MGAT4C: variants seen among roughly 807,000 people sequenced by gnomAD.
The protein encoded by MGAT4C is MGAT4 family member C.
In MGAT4C, 19 loss-of-function variants were observed where a neutral mutation model predicts 40.1. The observed-to-expected ratio is 0.47, with a 90% CI of 0.33 to 0.70. The LOEUF is 0.70. Ranked by LOEUF, MGAT4C falls within the 30% of genes least tolerant of loss-of-function variation. MGAT4C has a pLI of 0.02. For synonymous variants in MGAT4C, 181 were observed against 187.1 expected, an observed-to-expected ratio of 0.97 and a Z score of 0.27; for missense variants, 491 against 563.2, an observed-to-expected ratio of 0.87 and a Z score of 1.30.
At chr12:86,158,158 G>A (rs1885181133) in intron 1 of MGAT4C, among the ~76,000 whole-genome samples, 2 of 151,980 alleles carry the variant, frequency 1.3e-5, no homozygotes, top group South Asian at 4.1e-4. Context: ...TTTGAGGGCA[G>A]GCAAGGATCA....
At chr12:86,083,815 A>G (rs114956496) in intron 1 of MGAT4C, among the ~76,000 whole-genome samples, 1 of 152,106 alleles carries the variant, frequency 6.6e-6, no homozygotes, top group African/African-American at 2.4e-5. Flanking sequence ...TATGAGCAAT[A>G]TGAATCTCTA....
chr12:86,818,658 A>C (rs1217910791), intron 1 of MGAT4C, among the ~76,000 whole-genome samples: 1 of 151,150 alleles, frequency 6.6e-6, no homozygotes, highest in Non-Finnish European at 1.5e-5. Context: ...AAAAAAATAA[A>C]CTCAAATAAA....
chr12:86,135,249 G>A (rs2135721723), intron 1 of MGAT4C, among the ~76,000 whole-genome samples: 1 of 152,180 alleles, frequency 6.6e-6, no homozygotes, highest in Non-Finnish European at 1.5e-5. Context: ...AGTAGCTTTT[G>A]AAATCCTAGG....
chr12:85,982,190 GT>G (rs1047593553), intron 4 of MGAT4C, among the ~76,000 whole-genome samples: 2 of 151,830 alleles, frequency 1.3e-5, no homozygotes, highest in Admixed American at 1.3e-4. Context: ...TTTTGTTTTT[GT>G]TTTTTTGAAA....
At chr12:86,542,591 C>T (rs571316019) in intron 2 of MGAT4C, among the ~76,000 whole-genome samples, 1 of 152,164 alleles carries the variant, frequency 6.6e-6, no homozygotes, top group Admixed American at 6.5e-5. Context: ...CTCATAGTAC[C>T]TTGAGAGTAG....
At chr12:86,196,451 C>T (rs1949808910) in intron 1 of MGAT4C, among the ~76,000 whole-genome samples, 1 of 152,214 alleles carries the variant, frequency 6.6e-6, no homozygotes, top group African/African-American at 2.4e-5. Flanking sequence ...CCTGCTGAAA[C>T]CCAGGAGGTG....
At chr12:86,361,381 C>T (rs1290876777) in intron 3 of MGAT4C, among the ~76,000 whole-genome samples, 5 of 151,982 alleles carry the variant, frequency 3.3e-5, no homozygotes, top group African/African-American at 1.2e-4. Context: ...ACCATAAAAA[C>T]TCTAGAAGAA....
chr12:86,420,357 G>T (rs1475115611), intron 3 of MGAT4C, among the ~76,000 whole-genome samples: 16 of 151,818 alleles, frequency 1.1e-4, no homozygotes, highest in Non-Finnish European at 2.1e-4. Flanking sequence ...ACTGCAGTCT[G>T]GACTACAAAG....
chr12:86,360,873 G>C (rs1263926414), intron 3 of MGAT4C, among the ~76,000 whole-genome samples: 1 of 152,178 alleles, frequency 6.6e-6, no homozygotes, highest in Non-Finnish European at 1.5e-5. Context: ...CATGCTCATG[G>C]ATAGGAAGAA....
At chr12:86,739,302 T>A (rs953197017) in intron 1 of MGAT4C, among the ~76,000 whole-genome samples, 1 of 126,452 alleles carries the variant, frequency 7.9e-6, no homozygotes, top group East Asian at 2.4e-4. Context: ...TACAAGTCTA[T>A]ATTTTATTCA....
At chr12:86,221,320 G>T (rs972033905) in intron 1 of MGAT4C, among the ~76,000 whole-genome samples, 1 of 151,958 alleles carries the variant, frequency 6.6e-6, no homozygotes, top group Non-Finnish European at 1.5e-5. Flanking sequence ...CTTGTATGTG[G>T]CTACCTCTTG....
intron 2 of MGAT4C, among the ~76,000 whole-genome samples, chr12:86,519,444 T>C (rs1008595904): frequency 6.6e-6 from 1 of 152,140 alleles, no homozygotes; most frequent in Non-Finnish European, 1.5e-5. Context: ...CTGGATCATG[T>C]GGCAGTTCTA....
chr12:86,392,713 G>A lies in MGAT4C; in HGVS notation c.-120+42444C>T, dbSNP rs746004949. 3.9e-5 allele frequency among the ~76,000 whole-genome samples: 6 copies of A among 152,246 alleles called. No homozygotes were observed. The South Asian group carries it at 8.3e-4, about 21-fold the overall frequency. ...GAAATCAAATTCTTCACAATCTGACGTATGCATTGCATATTCAATAAATAT... is the reference window on the plus strand; with the variant it reads ...GAAATCAAATTCTTCACAATCTGACATATGCATTGCATATTCAATAAATAT... On this transcript the variant is annotated intron_variant, in intron 3 of 7. Coordinates refer to the MGAT4C transcript ENST00000548651.
intron 2 of MGAT4C, among the ~76,000 whole-genome samples, chr12:86,709,396 C>G (rs1433087474): frequency 6.6e-6 from 1 of 151,924 alleles, no homozygotes; most frequent in Non-Finnish European, 1.5e-5. Flanking sequence ...TAATACAAAT[C>G]TTTATTATTT....
At chr12:86,589,723 A>C (rs953366284) in intron 2 of MGAT4C, among the ~76,000 whole-genome samples, 1 of 152,058 alleles carries the variant, frequency 6.6e-6, no homozygotes, top group Non-Finnish European at 1.5e-5. Flanking sequence ...AGTGGGCTTC[A>C]TCCCTGGGAT....
intron 1 of MGAT4C, among the ~76,000 whole-genome samples, chr12:86,824,561 A>C (rs1952766778): frequency 6.6e-6 from 1 of 151,268 alleles, no homozygotes; most frequent in Non-Finnish European, 1.5e-5. Context: ...TTCCCTGCAG[A>C]TGAGATGGAA....
intron 3 of MGAT4C, among the ~76,000 whole-genome samples, chr12:86,387,929 A>G (rs914985289): frequency 3.3e-5 from 5 of 152,192 alleles, no homozygotes; most frequent in Admixed American, 6.5e-5. Context: ...TTGTTTTATG[A>G]AGCAGGAACA....
At chr12:86,426,435 T>G (rs1482101065) in intron 3 of MGAT4C, among the ~76,000 whole-genome samples, 1 of 152,212 alleles carries the variant, frequency 6.6e-6, no homozygotes, top group Non-Finnish European at 1.5e-5. Flanking sequence ...CTTAGTTATT[T>G]TCACATATGA....
At chr12:86,041,365 T>C (rs1006709201) in intron 2 of MGAT4C, among the ~76,000 whole-genome samples, 4 of 152,134 alleles carry the variant, frequency 2.6e-5, no homozygotes, top group Admixed American at 6.5e-5. Flanking sequence ...AGCTTTGAAG[T>C]TGAGATACTT....
Sources: allele counts gnomAD v4.1 joint callset (sites outside exome capture counted in the v4.1 genomes callset), GRCh38; gene constraint gnomAD v4.1.1; transcripts MANE v1.5; gene names NCBI Gene and HGNC (gene_info 2026-07-23, HGNC 2026-07-21).